BACE1: variants seen among roughly 807,000 people sequenced by gnomAD.
BACE1 encodes beta-secretase 1, also known as APP beta-secretase.
Under a neutral mutation model 54.0 loss-of-function variants are expected in BACE1, and 21 were observed. That is an observed-to-expected ratio of 0.39 (90% CI 0.28 to 0.56). BACE1 has a LOEUF of 0.56. Among genes scored for constraint, BACE1 ranks in the 20% least tolerant of loss-of-function variants. BACE1 has a pLI of 0.63. For missense variants in BACE1, 511 were observed against 661.2 expected (o/e 0.77, Z 2.49); for synonymous variants, 232 against 260.9 (o/e 0.89, Z 1.07).
chr11:117,300,484 C>T (rs902288533), intron 1 of BACE1, among the ~76,000 whole-genome samples: 3 of 152,148 alleles, frequency 2.0e-5, no homozygotes, highest in Non-Finnish European at 2.9e-5. Flanking sequence ...CTTAACAGGA[C>T]GGGCCCGAGG....
intron 1 of BACE1, among the ~76,000 whole-genome samples, chr11:117,303,828 AC>A (rs559823096): frequency 6.6e-4 from 101 of 152,342 alleles, no homozygotes; most frequent in African/African-American, 2.3e-3. Context: ...TTCTTGCATA[AC>A]AAGGCTTTCA....
At chr11:117,301,895 A>G (rs576533462) in intron 1 of BACE1, among the ~76,000 whole-genome samples, 1 of 152,332 alleles carries the variant, frequency 6.6e-6, no homozygotes, top group South Asian at 2.1e-4. Context: ...TCACCCTGGA[A>G]TATCACAGTA....
intron 8 of BACE1, among the ~76,000 whole-genome samples, chr11:117,290,228 A>G (rs1019038282): frequency 1.2e-4 from 18 of 152,188 alleles, no homozygotes; most frequent in African/African-American, 3.1e-4. Flanking sequence ...CCTTGCATCA[A>G]GAGCTTCCCA....
intron 3 of BACE1, 26 bp downstream of exon 3, chr11:117,295,105 G>T: frequency 6.3e-7 from 1 of 1,598,304 alleles, no homozygotes; most frequent in Non-Finnish European, 8.6e-7. Flanking sequence ...CATAGAGTGT[G>T]TAGGGCCAAG....
intron 1 of BACE1, among the ~76,000 whole-genome samples, chr11:117,305,559 G>T (rs2034811662): frequency 6.6e-6 from 1 of 151,538 alleles, no homozygotes; most frequent in South Asian, 2.1e-4. Flanking sequence ...GAGTCCCAAT[G>T]TGGCTGGGTC....
chr11:117,295,401 T>G, intron 2 of BACE1, 54 bp from the exon 3 acceptor site: 1 of 1,593,340 alleles, frequency 6.3e-7, no homozygotes, highest in Non-Finnish European at 8.6e-7. Context: ...GGTATAAGGA[T>G]CTAAGTTAAA....
rs1242471267 is a variant in BACE1 at position 117,289,493 on chromosome 11, C to T, written c.*73G>A. Reference sequence around the variant, plus strand: ...CTCTGGCCACAGGTGCCATCTGTGTCTCCTACTTGTGACCAAAGTGAACCA... The same window carrying T: ...CTCTGGCCACAGGTGCCATCTGTGTTTCCTACTTGTGACCAAAGTGAACCA... On this transcript the variant is annotated 3_prime_UTR_variant, in exon 9 of 9. Coordinates refer to ENST00000313005, the MANE Select transcript of BACE1 (RefSeq NM_012104.6). 3 of 1,557,640 alleles carry T rather than the reference C, an allele frequency of 1.9e-6. No homozygotes were observed. In the African/African-American group the frequency reaches 4.1e-5, roughly 21 times the overall value.
rs2034488887 is a variant in BACE1, at chr11:117,292,978, C to T, written c.840+76G>A. The T allele has an allele frequency of 3.2e-6, 5 of 1,547,500 alleles. No homozygotes were observed. The East Asian group carries it at 1.2e-4, about 36-fold the overall frequency. ...TATTACCTCTGCCTCATCCTCCCAA[C>T]ATGATAACCAGAGTCTTCCTTCACA... is the stretch of plus-strand genomic sequence containing the variant. On this transcript the variant is annotated intron_variant, in intron 5 of 8. Transcript: ENST00000313005.
At chr11:117,294,197 A>T in intron 3 of BACE1, 189 bp from the exon 4 acceptor site, 1 of 472,174 alleles carries the variant, frequency 2.1e-6, no homozygotes, top group Non-Finnish European at 3.7e-6. Context: ...GACAGTATTG[A>T]TAGGTTCACA....
Position 117,290,664 on chromosome 11 carries a change from G to A in BACE1, c.1093-5C>T. On this transcript the variant is annotated splice_region_variant and splice_polypyrimidine_tract_variant and intron_variant, in intron 7 of 8. Transcript: ENST00000313005. Reference sequence around the variant, plus strand: ...TTCCACTGGCCGCAGGTATTGCTAGGGGTAAGCAATCACAGGGTGAGTGTC... The same window carrying A: ...TTCCACTGGCCGCAGGTATTGCTAGAGGTAAGCAATCACAGGGTGAGTGTC... 1 of 1,613,614 alleles carries A rather than the reference G, an allele frequency of 6.2e-7. No homozygotes were observed. Among genetic ancestry groups the A allele is most frequent in the Non-Finnish European group, 8.5e-7 (1 of 1,179,894 alleles).
At chr11:117,309,673 C>T (rs2034904838) in intron 1 of BACE1, among the ~76,000 whole-genome samples, 6 of 152,204 alleles carry the variant, frequency 3.9e-5, no homozygotes, top group Admixed American at 3.9e-4. Flanking sequence ...GTACCAAATG[C>T]ATTTGGTTTT....
intron 1 of BACE1, among the ~76,000 whole-genome samples, chr11:117,312,691 G>C (rs1043208446): frequency 1.3e-5 from 2 of 152,194 alleles, no homozygotes; most frequent in Non-Finnish European, 2.9e-5. Context: ...GCGAACTCCT[G>C]ACCTCAGGTG....
In BACE1 at chr11:117,285,769, T is replaced by C. The variant is rs1473243561; in HGVS notation, c.*3797A>G. 1.3e-5 allele frequency: 2 copies of C among 152,314 alleles called. No homozygotes were observed. Among genetic ancestry groups the C allele is most frequent in the African/African-American group, 4.8e-5 (2 of 41,450 alleles). The allele number at this position is 152,314 out of a possible 1,614,324, so 9.4% of individuals were successfully genotyped here. A position where few individuals can be genotyped will look rare whatever the true frequency, so the allele number is the denominator to read the frequency against. ...TACAGACATTAGGTTTACAGAATATTCTGTTTTACATCACCAAAATTCACA... is the reference window on the plus strand; with the variant it reads ...TACAGACATTAGGTTTACAGAATATCCTGTTTTACATCACCAAAATTCACA... On this transcript the variant is annotated 3_prime_UTR_variant, in exon 9 of 9. Coordinates refer to ENST00000313005, the MANE Select transcript of BACE1 (RefSeq NM_012104.6).
In BACE1 at chr11:117,291,029, A is replaced by G; in HGVS notation, c.963T>C (p.Gly321=). 6.2e-7 allele frequency: 1 copy of G among 1,614,170 alleles called. No individual in the cohort carries two copies. Among genetic ancestry groups the G allele is most frequent in the Non-Finnish European group, 8.5e-7 (1 of 1,180,022 alleles). The part of the protein sequence containing the change: ...AASSTEKFPD[G]FWLGEQLVCW... ...ACACCAGCTGCTCTCCTAGCCAGAAACCATCAGGGAACTTCTCCGTCTGTG... is the reference window on the plus strand; with the variant it reads ...ACACCAGCTGCTCTCCTAGCCAGAAGCCATCAGGGAACTTCTCCGTCTGTG... Residue 321 remains glycine, a synonymous_variant, in exon 7 of 9, where the codon GGT becomes GGC. Coordinates refer to ENST00000313005, the MANE Select transcript of BACE1 (RefSeq NM_012104.6).
At position 117,289,208 on chromosome 11, in the gene BACE1, G is replaced by A; in HGVS notation, c.*358C>T. 1 of 252,010 alleles carries A rather than the reference G, an allele frequency of 4.0e-6. No individual in the cohort carries two copies. The highest frequency in any genetic ancestry group is 7.9e-6 in the Non-Finnish European group (1 of 127,026). 15.6% of individuals were successfully genotyped at this position (252,010 alleles called of 1,614,324 possible). A position where few individuals can be genotyped will look rare whatever the true frequency, so the allele number is the denominator to read the frequency against. ...CCAAGGTAACCTGCGTGTGATGCCAGTACTTCTGAAACTAAGAAAAGAAGA... is the reference window on the plus strand; with the variant it reads ...CCAAGGTAACCTGCGTGTGATGCCAATACTTCTGAAACTAAGAAAAGAAGA... On this transcript the variant is annotated 3_prime_UTR_variant, in exon 9 of 9. Coordinates refer to ENST00000313005, the MANE Select transcript of BACE1 (RefSeq NM_012104.6).
chr11:117,296,697 T>A (rs934315542), intron 2 of BACE1, among the ~76,000 whole-genome samples, 176 bp downstream of exon 2: 5 of 152,104 alleles, frequency 3.3e-5, no homozygotes, highest in Non-Finnish European at 7.3e-5. Context: ...GTATAGCTCC[T>A]CTCACCACCC....
rs1259280319 is a variant in BACE1, at chr11:117,285,731, C to T, written c.*3835G>A. 2 of 152,332 alleles carry T rather than the reference C, an allele frequency of 1.3e-5. No individual in the cohort carries two copies. The highest frequency in any genetic ancestry group is 2.4e-5 in the African/African-American group (1 of 41,408). The allele number at this position is 152,332 out of a possible 1,614,324, so 9.4% of individuals were successfully genotyped here. ...CTTATTGAATATTTTACTGTGTTAA[C>T]GCTCATTATTTATACAGACATTAGG... is the stretch of plus-strand genomic sequence containing the variant. On this transcript the variant is annotated 3_prime_UTR_variant, in exon 9 of 9. Coordinates refer to ENST00000313005, the MANE Select transcript of BACE1 (RefSeq NM_012104.6).
chr11:117,315,972 T>G lies in BACE1; in HGVS notation c.-177A>C. 1.8e-6 allele frequency: 1 copy of G among 564,906 alleles called. No homozygotes were observed. The highest frequency in any genetic ancestry group is 2.8e-6 in the Non-Finnish European group (1 of 362,986). 35.0% of individuals were successfully genotyped at this position (564,906 alleles called of 1,614,324 possible). On this transcript the variant is annotated 5_prime_UTR_variant, in exon 1 of 9. Transcript: ENST00000313005. This position sits in a 1 kb window ranked among gnomAD's most constrained non-coding sequence, Gnocchi z 5.5. ...CCCGGGTCCGGGCTGTGGAGAGCGG[T>G]CAGGGGAGATCCGCAGAGCACGGGA...
intron 1 of BACE1, among the ~76,000 whole-genome samples, chr11:117,314,136 T>C (rs901166712): frequency 6.6e-6 from 1 of 152,162 alleles, no homozygotes. Flanking sequence ...GTGCACAGCA[T>C]GTCAGTCGCA....
Sources: gnomAD v4.1 joint callset for allele counts (sites outside exome capture counted in the v4.1 genomes callset) on GRCh38, gnomAD v4.1.1 for gene constraint, Gnocchi (gnomAD v3.1) non-coding constraint, MANE v1.5 for transcripts, NCBI Gene and HGNC (gene_info 2026-07-23, HGNC 2026-07-21) for gene names.